The following ZAN variants were observed in gnomAD, a reference collection of about 807,000 sequenced individuals.
ZAN encodes zonadhesin (gene/pseudogene).
ZAN carries 260 observed loss-of-function variants against 286.2 expected under a neutral mutation model. That is an observed-to-expected ratio of 0.91 (90% confidence interval 0.82 to 1.01). The LOEUF (loss-of-function observed/expected upper bound fraction) is 1.01, where lower values mean the gene tolerates loss of function less well. ZAN is among the 50% of genes least tolerant of loss of function. The probability of loss-of-function intolerance (pLI) is 0.00; values close to 1 mark genes in which losing one functional copy is unlikely to be tolerated. For missense variants in ZAN, 3,410 were observed against 3,639.2 expected (o/e 0.94, Z 1.62); for synonymous variants, 1,368 against 1,417.5 (o/e 0.97, Z 0.79).
chr7:100,775,932 AGAGGC>A, intron 33 of ZAN, 99 bp downstream of exon 33: 1 of 1,470,874 alleles, frequency 6.8e-7, no homozygotes, highest in Non-Finnish European at 9.2e-7. Context: ...GCCTGCCCAA[AGAGGC>A]CACTCCTCAG....
At position 100,744,886 on chromosome 7, in the gene ZAN, GTTGT is replaced by G. The variant is rs879484873; in HGVS notation, c.767-1641_767-1638del. Among the ~76,000 whole-genome samples the G allele has an allele frequency of 4.8e-4, 66 of 137,350 alleles. No individual in the cohort carries two copies. The South Asian group carries it at 5.1e-3, about 11-fold the overall frequency. 90.1% of individuals were successfully genotyped at this position (137,350 alleles called of 152,430 possible). A position where few individuals can be genotyped will look rare whatever the true frequency, so the allele number is the denominator to read the frequency against. On this transcript the variant is annotated intron_variant, in intron 7 of 47. Transcript: ENST00000613979. ...TCTCCTTGGTTTTTTTTTTGTTGTT[GTTGT>G]TTGTTTGTTTTTTGAGACAGTCTCG...
intron 14 of ZAN, among the ~76,000 whole-genome samples, chr7:100,753,630 C>T (rs1808939342): frequency 6.6e-6 from 1 of 151,172 alleles, no homozygotes; most frequent in African/African-American, 2.4e-5. Flanking sequence ...TGAGACCAGC[C>T]TAGGCAACAT....
chr7:100,737,803 GC>G, intron 6 of ZAN, among the ~76,000 whole-genome samples: 1 of 138,284 alleles, frequency 7.2e-6, no homozygotes, highest in Admixed American at 7.2e-5. Context: ...AAGCAGCCGT[GC>G]CTAAAGAGAG....
rs1198376884 is a variant in ZAN at position 100,752,607 on chromosome 7, A to G, written c.2502A>G (p.Glu834=). 2 of 1,612,068 alleles carry G rather than the reference A, an allele frequency of 1.2e-6. No homozygotes were observed. Among genetic ancestry groups the G allele is most frequent in the East Asian group, 2.2e-5 (1 of 44,740 alleles). Residue 834 remains glutamate (E), a synonymous_variant, in exon 14 of 48, where the codon GAA becomes GAG. Transcript: ENST00000613979. ...LPTEETTTSV[E]ETTISTEKLT... is the part of the protein sequence containing the mutation. ...CTGAAGAAACCACCACCTCTGTTGA[A>G]GAGACTACCATCTCTACAGAAAAAC...
At chr7:100,779,385 A>G in intron 34 of ZAN, 61 bp from the exon 35 acceptor site, 1 of 1,494,364 alleles carries the variant, frequency 6.7e-7, no homozygotes, top group Non-Finnish European at 8.9e-7. Flanking sequence ...CTAAAGAAAA[A>G]AAAATTTTGT....
Position 100,758,363 on chromosome 7 carries a change from C to G in ZAN, c.3451+20C>G. The G allele has an allele frequency of 2.5e-6, 4 of 1,606,716 alleles. No homozygotes were observed. The highest frequency in any genetic ancestry group is 3.4e-6 in the Non-Finnish European group (4 of 1,175,468). ...CCTACGGTGAGAGCCCCTCCCCATG[C>G]TGTCCCTGCCTGCCAGCCAGTTGGA... is the stretch of plus-strand genomic sequence containing the variant. On this transcript the variant is annotated intron_variant, in intron 16 of 47. Transcript: ENST00000613979.
intron 30 of ZAN, 112 bp downstream of exon 30, chr7:100,773,605 G>C: frequency 3.2e-6 from 5 of 1,542,246 alleles, no homozygotes; most frequent in Non-Finnish European, 3.5e-6. Context: ...GGCAGGGCTG[G>C]CCAAGGCTGG....
At chr7:100,742,876 A>AAAGG (rs1807903275) in intron 7 of ZAN, among the ~76,000 whole-genome samples, 1 of 2,784 alleles carries the variant, frequency 3.6e-4, no homozygotes, top group African/African-American at 1.8e-3. Context: ...GAGACGAGGG[A>AAAGG]GAGGGAGGGG....
In ZAN at chr7:100,769,979, G is replaced by T; in HGVS notation, c.5248+5G>T. 1 of 1,559,230 alleles carries T rather than the reference G, an allele frequency of 6.4e-7. No individual in the cohort carries two copies. Among genetic ancestry groups the T allele is most frequent in the Non-Finnish European group, 8.7e-7 (1 of 1,150,874 alleles). On this transcript the variant is annotated splice_donor_5th_base_variant and intron_variant, in intron 28 of 47. Coordinates refer to ENST00000613979, the MANE Select transcript of ZAN (RefSeq NM_003386.3). ...CGATCTTAATAAACCCTCAGGGTAA[G>T]ACATGTCCCTGCTGGCCCTTTTTCC... is the stretch of plus-strand genomic sequence containing the variant.
At chr7:100,757,970 C>T (rs1809265138) in intron 15 of ZAN, among the ~76,000 whole-genome samples, 1 of 150,370 alleles carries the variant, frequency 6.7e-6, no homozygotes, top group African/African-American at 2.4e-5. Flanking sequence ...CCTGTAGTCC[C>T]AGATACTTGG....
chr7:100,768,301 G>A (rs556013484), intron 26 of ZAN, among the ~76,000 whole-genome samples: 1 of 152,226 alleles, frequency 6.6e-6, no homozygotes, highest in African/African-American at 2.4e-5. Flanking sequence ...GCAAAAACCT[G>A]TCTCTACTAA....
chr7:100,744,749 G>T (rs1808065562), intron 7 of ZAN, among the ~76,000 whole-genome samples: 1 of 151,304 alleles, frequency 6.6e-6, no homozygotes, highest in Admixed American at 6.6e-5. Flanking sequence ...ATGCTGGTTG[G>T]CTTTTTATTT....
intron 29 of ZAN, 77 bp downstream of exon 29, chr7:100,772,097 C>CTT (rs777506126): frequency 9.6e-3 from 11,731 of 1,219,288 alleles, no homozygotes; most frequent in Non-Finnish European, 0.01. Flanking sequence ...CCTCTAAATT[C>CTT]TTTTTTTTTT....
In ZAN at chr7:100,769,901, G is replaced by C; in HGVS notation, c.5175G>C (p.Lys1725Asn). The change falls in exon 28 of 48, where the codon AAG becomes AAC. Residue 1725 changes from lysine to asparagine, a missense_variant. Lys to Asn is a moderately conservative substitution (Grantham distance 94). Transcript: ENST00000613979. ...SEPGCFLVGGKPSSCQENSMA... is the reference protein window; with the variant it reads ...SEPGCFLVGGNPSSCQENSMA... ...TTAGCTGTTTCCTTGTGGGTGGCAAGCCCTCCAGCTGCCAGGAGAACAGCA... is the reference window on the plus strand; with the variant it reads ...TTAGCTGTTTCCTTGTGGGTGGCAACCCCTCCAGCTGCCAGGAGAACAGCA... 6.4e-7 allele frequency: 1 copy of C among 1,560,248 alleles called. No homozygotes were observed. Among genetic ancestry groups the C allele is most frequent in the Non-Finnish European group, 8.7e-7 (1 of 1,151,616 alleles).
In ZAN at chr7:100,792,462, T is replaced by C. The variant is rs777823849; in HGVS notation, c.7770T>C (p.Arg2590=). The C allele has an allele frequency of 1.9e-6, 3 of 1,613,746 alleles. No homozygotes were observed. The highest frequency in any genetic ancestry group is 1.3e-5 in the African/African-American group (1 of 74,930). The change falls in exon 42 of 48, where the codon CGT becomes CGC. Residue 2590 remains arginine, a synonymous_variant. Coordinates refer to ENST00000613979, the MANE Select transcript of ZAN (RefSeq NM_003386.3). ...ACCCAAGAGAGCAAGAGGAGCTGCGTTGCCAGGTCCTCAGTGGGTACGCCA... is the reference window on the plus strand; with the variant it reads ...ACCCAAGAGAGCAAGAGGAGCTGCGCTGCCAGGTCCTCAGTGGGTACGCCA... ...AQDPREQEEL[R]CQVLSGHGVS... is the part of the protein sequence containing the mutation.
rs376622260 is a variant in ZAN, at chr7:100,791,978, G to T, written c.7542G>T (p.Ala2514=). The T allele has an allele frequency of 7.4e-6, 12 of 1,612,406 alleles. No homozygotes were observed. The African/African-American group carries it at 1.3e-4, about 18-fold the overall frequency. ...GTCTCTACTGCAGGGCTATACCAGC[G>T]GAGGAGGAGGGACAAGGGGCGGAGC... The part of the protein sequence containing the change: ...ALLRFPRAIP[A]EEEGQGAELG... Residue 2514 remains alanine, a synonymous_variant, in exon 41 of 48, where the codon GCG becomes GCT. Transcript: ENST00000613979.
In ZAN at chr7:100,739,640, C is replaced by T. The variant is rs550331368; in HGVS notation, c.766+1027C>T. Among the ~76,000 whole-genome samples, 8 of 127,406 alleles carry T rather than the reference C, an allele frequency of 6.3e-5. No homozygotes were observed. The South Asian group carries it at 1.3e-3, about 20-fold the overall frequency. 83.6% of individuals were successfully genotyped at this position (127,406 alleles called of 152,430 possible). ...ATTACAGGCGTGAGCCACTGTGCCC[C>T]GCCGTGAGTTATCAATTATTTATTT... On this transcript the variant is annotated intron_variant, in intron 7 of 47. Transcript: ENST00000613979.
At chr7:100,791,161 TGTGCACG>T (rs1343841233) in intron 40 of ZAN, 48 bp downstream of exon 40, 3 of 1,575,526 alleles carry the variant, frequency 1.9e-6, no homozygotes, top group Non-Finnish European at 2.6e-6. Flanking sequence ...CAACAATGTC[TGTGCACG>T]GTGGCCGCTA....
chr7:100,772,924 T>C (rs999271793), intron 29 of ZAN, among the ~76,000 whole-genome samples: 1 of 145,884 alleles, frequency 6.9e-6, no homozygotes, highest in African/African-American at 2.5e-5. Context: ...CAGGCTGGAG[T>C]GCAGTGGTCT....
Sources: allele counts gnomAD v4.1 joint callset (sites outside exome capture counted in the v4.1 genomes callset), GRCh38; gene constraint gnomAD v4.1.1; transcripts MANE v1.5; gene names NCBI Gene and HGNC (gene_info 2026-07-23, HGNC 2026-07-21).